The following ADGRL3 variants were observed in gnomAD, a reference collection of about 807,000 sequenced individuals.
ADGRL3 encodes calcium-independent alpha-latrotoxin receptor 3.
A neutral mutation model predicts 153.5 loss-of-function variants in ADGRL3; 62 were observed. The ratio of observed to expected loss-of-function variants is 0.40; its 90% CI spans 0.33 to 0.50. The LOEUF (loss-of-function observed/expected upper bound fraction) is 0.50, where lower values mean the gene tolerates loss of function less well. ADGRL3 is among the 20% of genes least tolerant of loss of function. The probability of loss-of-function intolerance (pLI) is 0.47; values close to 1 mark genes in which losing one functional copy is unlikely to be tolerated. For synonymous variants in ADGRL3, 710 were observed against 672.5 expected (o/e 1.06, Z -0.86); for missense variants, 1,641 against 1,859.4 (o/e 0.88, Z 2.16).
intron 1 of ADGRL3, among the ~76,000 whole-genome samples, chr4:61,223,588 G>A (rs1247056095): frequency 3.3e-5 from 5 of 152,158 alleles, no homozygotes; most frequent in Non-Finnish European, 5.9e-5. Flanking sequence ...TCAACATCGT[G>A]GGCGTTTTGC....
rs1264269121 is a variant in ADGRL3, at chr4:61,891,172, G to T, written c.1481-1484G>T. On this transcript the variant is annotated intron_variant, in intron 9 of 26. Coordinates refer to ENST00000683033, the MANE Select transcript of ADGRL3 (RefSeq NM_001387552.1). ...ACTGCTTTCGTTAACAAATGTTGAT[G>T]ATGGGGAGCTGAACGTAGATAGTGA... Among the ~76,000 whole-genome samples the T allele has an allele frequency of 2.0e-5, 3 of 151,646 alleles. No homozygotes were observed. The East Asian group carries it at 5.9e-4, about 30-fold the overall frequency.
At chr4:61,325,781 C>A (rs2150861869) in intron 1 of ADGRL3, among the ~76,000 whole-genome samples, 1 of 152,020 alleles carries the variant, frequency 6.6e-6, no homozygotes, top group Admixed American at 6.6e-5. Context: ...ATAAAGTAAT[C>A]AAATTATTGT....
chr4:61,822,993 A>G (rs1012944027), intron 9 of ADGRL3, among the ~76,000 whole-genome samples: 3 of 152,150 alleles, frequency 2.0e-5, no homozygotes, highest in African/African-American at 7.2e-5. Flanking sequence ...CCCCTTGATC[A>G]CTGTTCCAGA....
intron 2 of ADGRL3, among the ~76,000 whole-genome samples, chr4:61,405,572 T>G (rs760043143): frequency 1.2e-4 from 19 of 152,070 alleles, no homozygotes; most frequent in African/African-American, 2.6e-4. Context: ...TATTTCAGTT[T>G]ATTCAAACCC....
chr4:61,587,022 G>A (rs1305147923), intron 4 of ADGRL3, among the ~76,000 whole-genome samples: 1 of 151,992 alleles, frequency 6.6e-6, no homozygotes, highest in African/African-American at 2.4e-5. Flanking sequence ...AAGATTTTAA[G>A]AAATAACTGT....
chr4:61,402,457 C>T (rs554771379), intron 2 of ADGRL3, among the ~76,000 whole-genome samples: 40 of 152,002 alleles, frequency 2.6e-4, no homozygotes, highest in Non-Finnish European at 4.1e-4. Context: ...TTAACACATA[C>T]GAATTTTATT....
chr4:61,796,758 A>T (rs2097419640), intron 8 of ADGRL3, among the ~76,000 whole-genome samples: 1 of 152,110 alleles, frequency 6.6e-6, no homozygotes. Context: ...TATTTACCAG[A>T]TATGATCTTG....
chr4:61,322,648 ATGATCTCCTT>A (rs1458092664), intron 1 of ADGRL3, among the ~76,000 whole-genome samples: 8 of 152,202 alleles, frequency 5.3e-5, no homozygotes, highest in Admixed American at 5.2e-4. Context: ...GAGCTACAAA[ATGATCTCCTT>A]TGACTCCATG....
intron 25 of ADGRL3, among the ~76,000 whole-genome samples, chr4:62,058,698 G>A (rs150155658): frequency 1.3e-5 from 2 of 152,206 alleles, no homozygotes; most frequent in African/African-American, 4.8e-5. Context: ...CAACTTTTCA[G>A]CTGAAAAACA....
intron 1 of ADGRL3, among the ~76,000 whole-genome samples, chr4:61,355,809 T>C (rs188628921): frequency 7.2e-5 from 11 of 152,178 alleles, no homozygotes; most frequent in African/African-American, 2.6e-4. Context: ...TTTCAATAAG[T>C]GTTGAATAAA....
chr4:61,874,789 CTTTTTTTTTTT>C (rs11432355), intron 9 of ADGRL3, among the ~76,000 whole-genome samples: 15 of 61,548 alleles, frequency 2.4e-4, no homozygotes, highest in East Asian at 6.3e-4. Context: ...TCAAAATGCT[CTTTTTTTTTTT>C]TTTTTTTTTT....
At chr4:61,478,820 A>G (rs532896260) in intron 2 of ADGRL3, among the ~76,000 whole-genome samples, 1 of 152,088 alleles carries the variant, frequency 6.6e-6, no homozygotes, top group African/African-American at 2.4e-5. Flanking sequence ...CTGTGTGCAC[A>G]TGTGTGAGTT....
intron 1 of ADGRL3, among the ~76,000 whole-genome samples, chr4:61,216,835 C>T (rs1226804964): frequency 6.6e-6 from 1 of 152,128 alleles, no homozygotes; most frequent in African/African-American, 2.4e-5. Context: ...TAATACCTAC[C>T]TTTCAGAGTT....
intron 8 of ADGRL3, chr4:61,775,402 T>TTG (rs61671331): frequency 0.14 from 64,018 of 448,224 alleles, 2,567 homozygotes; most frequent in East Asian, 0.21. Context: ...TTTTCTTTCT[T>TTG]TGTGTGTGTG....
intron 1 of ADGRL3, among the ~76,000 whole-genome samples, chr4:61,319,432 A>G (rs2095308224): frequency 6.6e-6 from 1 of 152,210 alleles, no homozygotes; most frequent in African/African-American, 2.4e-5. Flanking sequence ...GTTTATAGTT[A>G]GATCTAAGAT....
chr4:61,206,142 C>T (rs926876248), intron 1 of ADGRL3, among the ~76,000 whole-genome samples: 3 of 152,142 alleles, frequency 2.0e-5, no homozygotes, highest in African/African-American at 7.2e-5. Context: ...TAAATCATGT[C>T]TTCCTTATGT....
At chr4:61,515,763 C>T (rs751587474) in intron 3 of ADGRL3, among the ~76,000 whole-genome samples, 25 of 152,092 alleles carry the variant, frequency 1.6e-4, no homozygotes, top group Admixed American at 2.0e-4. Flanking sequence ...TTAGAGAAAA[C>T]ATGCCTGTAT....
chr4:61,590,757 G>A (rs927438474), intron 5 of ADGRL3, among the ~76,000 whole-genome samples: 1 of 152,100 alleles, frequency 6.6e-6, no homozygotes, highest in Non-Finnish European at 1.5e-5. Flanking sequence ...GCATTTCACT[G>A]GAAAGGAAAT....
chr4:61,685,505 T>A (rs2095425985), intron 6 of ADGRL3, among the ~76,000 whole-genome samples: 1 of 152,020 alleles, frequency 6.6e-6, no homozygotes, highest in South Asian at 2.1e-4. Context: ...TGTGATGAAA[T>A]ATCTGAAGAG....
Sources: allele counts gnomAD v4.1 joint callset (sites outside exome capture counted in the v4.1 genomes callset), GRCh38; gene constraint gnomAD v4.1.1; transcripts MANE v1.5; gene names NCBI Gene and HGNC (gene_info 2026-07-23, HGNC 2026-07-21).